The following USP12 variants were observed in gnomAD, a reference collection of about 807,000 sequenced individuals.
The protein encoded by USP12 is ubiquitin specific peptidase 12.
USP12 carries 19 observed loss-of-function variants against 45.5 expected under a neutral mutation model. That is an observed-to-expected ratio of 0.42 (90% confidence interval 0.29 to 0.61). The LOEUF (loss-of-function observed/expected upper bound fraction) is 0.61. USP12 is among the 20% of genes least tolerant of loss of function. USP12 has a pLI of 0.22. For missense variants in USP12, 242 were observed against 447.7 expected (o/e 0.54, Z 4.15); for synonymous variants, 149 against 148.8 (o/e 1.00, Z -0.01).
chr13:27,093,137 G>A (rs932533712), intron 4 of USP12, among the ~76,000 whole-genome samples: 1 of 151,896 alleles, frequency 6.6e-6, no homozygotes, highest in South Asian at 2.1e-4. Flanking sequence ...CAGAGGTTGC[G>A]GTGAGCCACT....
At chr13:27,075,810 A>G (rs1371957668) in intron 6 of USP12, among the ~76,000 whole-genome samples, 2 of 152,110 alleles carry the variant, frequency 1.3e-5, no homozygotes, top group African/African-American at 4.8e-5. Flanking sequence ...CAGGTGGATC[A>G]CCTGAGGTCA....
chr13:27,074,122 C>T (rs542564932), intron 7 of USP12, among the ~76,000 whole-genome samples: 9 of 152,290 alleles, frequency 5.9e-5, no homozygotes, highest in East Asian at 1.9e-4. Context: ...CATCAGAGGC[C>T]GGGCGCGGTG....
intron 3 of USP12, among the ~76,000 whole-genome samples, chr13:27,100,855 C>T (rs1049110494): frequency 1.3e-5 from 2 of 152,170 alleles, no homozygotes; most frequent in Non-Finnish European, 2.9e-5. Context: ...CTGCTGAGGA[C>T]CTAGTTAAGG....
At chr13:27,110,670 T>G (rs2137792069) in intron 2 of USP12, among the ~76,000 whole-genome samples, 1 of 152,328 alleles carries the variant, frequency 6.6e-6, no homozygotes, top group Admixed American at 6.5e-5. Flanking sequence ...ATCATAAATG[T>G]AACTACAGAT....
At chr13:27,104,720 A>G (rs1875045666) in intron 3 of USP12, among the ~76,000 whole-genome samples, 1 of 152,202 alleles carries the variant, frequency 6.6e-6, no homozygotes. Flanking sequence ...AGCGAACTAG[A>G]TATGATCCAG....
Position 27,095,826 on chromosome 13 carries a change from A to C in USP12, c.348T>G (p.Leu116=), listed in dbSNP as rs772731268. ...FITRLRKENE[L]FDNYMQQDAH... is the part of the protein sequence containing the mutation. ...CATCTTGTTGCATGTAGTTGTCAAA[A>C]AGCTCTGAAAATAAAAACATTATAT... The change falls in exon 4 of 9, where the codon CTT becomes CTG. Residue 116 remains leucine (L), a synonymous_variant. Transcript: ENST00000282344. 7.0e-6 allele frequency: 11 copies of C among 1,582,072 alleles called. No individual in the cohort carries two copies. Among genetic ancestry groups the C allele is most frequent in the Non-Finnish European group, 9.4e-6 (11 of 1,168,588 alleles).
chr13:27,123,024 G>A (rs932470665), intron 1 of USP12, among the ~76,000 whole-genome samples: 21 of 136,070 alleles, frequency 1.5e-4, no homozygotes, highest in African/African-American at 4.6e-4. Flanking sequence ...CCTGGGAGGC[G>A]GAGCTTGCAG....
chr13:27,094,395 GA>G, intron 4 of USP12, among the ~76,000 whole-genome samples: 1 of 152,220 alleles, frequency 6.6e-6, no homozygotes, highest in South Asian at 2.1e-4. Context: ...TAGTTACTCA[GA>G]AGGCTGAGGC....
chr13:27,130,674 C>A lies in USP12; in HGVS notation c.49-14078G>T, dbSNP rs76353533. The stretch of plus-strand genomic sequence containing the variant: ...TGACTAGTCAAAGGTATTATTAAAT[C>A]AATCGTATCAACGGTATCACACTGG... On this transcript the variant is annotated intron_variant, in intron 1 of 8. Coordinates refer to ENST00000282344, the MANE Select transcript of USP12 (RefSeq NM_182488.4). Among the ~76,000 whole-genome samples, 645 of 152,048 alleles carry A rather than the reference C, an allele frequency of 4.2e-3. 5 individuals carry two copies. The highest frequency in any genetic ancestry group is 0.015 in the African/African-American group (624 of 41,464).
At chr13:27,093,151 C>T (rs1423026830) in intron 4 of USP12, among the ~76,000 whole-genome samples, 1 of 151,638 alleles carries the variant, frequency 6.6e-6, no homozygotes, top group Non-Finnish European at 1.5e-5. Context: ...AGCCACTGCG[C>T]TCCAGCCTGG....
At chr13:27,089,086 G>T (rs1355487355) in intron 6 of USP12, among the ~76,000 whole-genome samples, 1 of 152,126 alleles carries the variant, frequency 6.6e-6, no homozygotes, top group Non-Finnish European at 1.5e-5. Context: ...GTCAAGAAAG[G>T]ACTGAGAATC....
Position 27,156,393 on chromosome 13 carries a change from T to C in USP12, c.48+15199A>G, listed in dbSNP as rs539801791. ...GATTTCCTCAAAAGATAAACTATAA[T>C]AAAAAAGAAACAGGGATCCACATTT... On this transcript the variant is annotated intron_variant, in intron 1 of 8. Transcript: ENST00000282344. 1.4e-4 allele frequency among the ~76,000 whole-genome samples: 22 copies of C among 152,294 alleles called. 1 individual carries two copies. The highest frequency in any genetic ancestry group is 5.3e-4 in the African/African-American group (22 of 41,576).
At chr13:27,137,333 G>T (rs1288559432) in intron 1 of USP12, among the ~76,000 whole-genome samples, 1 of 152,006 alleles carries the variant, frequency 6.6e-6, no homozygotes, top group African/African-American at 2.4e-5. Context: ...TAATAAATCA[G>T]CCATCTTCAA....
chr13:27,145,434 A>C (rs1188543993), intron 1 of USP12, among the ~76,000 whole-genome samples: 1 of 152,228 alleles, frequency 6.6e-6, no homozygotes, highest in Non-Finnish European at 1.5e-5. Flanking sequence ...TCATCTTTAG[A>C]AATCAATCAG....
rs115761953 is a variant in USP12 at position 27,142,793 on chromosome 13, C to A, written c.49-26197G>T. On this transcript the variant is annotated intron_variant, in intron 1 of 8. Transcript: ENST00000282344. ...CTGAATAAATAAAAATCTATCGTGACACAAAAAAGAAGTGGAAGAGGCCAG... is the reference window on the plus strand; with the variant it reads ...CTGAATAAATAAAAATCTATCGTGAAACAAAAAAGAAGTGGAAGAGGCCAG... Among the ~76,000 whole-genome samples, 758 of 152,060 alleles carry A rather than the reference C, an allele frequency of 5.0e-3. 5 individuals are homozygous for A. The highest frequency in any genetic ancestry group is 0.018 in the African/African-American group (730 of 41,482).
At chr13:27,125,318 C>T (rs759238043) in intron 1 of USP12, among the ~76,000 whole-genome samples, 4 of 151,994 alleles carry the variant, frequency 2.6e-5, no homozygotes, top group African/African-American at 7.3e-5. Flanking sequence ...TTCATGATTA[C>T]ATATAAATAA....
Position 27,155,137 on chromosome 13 carries a change from A to G in USP12, c.48+16455T>C, listed in dbSNP as rs564814881. On this transcript the variant is annotated intron_variant, in intron 1 of 8. Transcript: ENST00000282344. ...CGCTCTGTCACCCAGACTGGAGTGC[A>G]GTGGCGCGATCTCGGCTCATTGCAA... is the stretch of plus-strand genomic sequence containing the variant. Among the ~76,000 whole-genome samples, 32 of 121,096 alleles carry G rather than the reference A, an allele frequency of 2.6e-4. No individual in the cohort carries two copies. The East Asian group carries it at 8.6e-3, about 32-fold the overall frequency. The allele number at this position is 121,096 out of a possible 152,430, so 79.4% of individuals were successfully genotyped here.
chr13:27,141,336 T>C (rs1877043995), intron 1 of USP12, among the ~76,000 whole-genome samples: 1 of 152,142 alleles, frequency 6.6e-6, no homozygotes, highest in Admixed American at 6.5e-5. Context: ...TTTTAAAACA[T>C]TTCCTTGCTA....
intron 7 of USP12, among the ~76,000 whole-genome samples, chr13:27,072,345 AAGTT>A (rs1160617666): frequency 1.3e-5 from 2 of 152,186 alleles, no homozygotes; most frequent in African/African-American, 4.8e-5. Flanking sequence ...AAATTGAAAA[AAGTT>A]AGGCGGCTTT....
Sources: allele counts gnomAD v4.1 joint callset (sites outside exome capture counted in the v4.1 genomes callset), GRCh38; gene constraint gnomAD v4.1.1; transcripts MANE v1.5; gene names NCBI Gene and HGNC (gene_info 2026-07-23, HGNC 2026-07-21).